PHF24: variants seen among roughly 807,000 people sequenced by gnomAD.
PHF24 encodes PHD finger protein 24.
Under a neutral mutation model 42.6 loss-of-function variants are expected in PHF24, and 25 were observed. That is an observed-to-expected ratio of 0.59 (90% CI 0.43 to 0.82). The LOEUF (loss-of-function observed/expected upper bound fraction) is 0.82. Among genes scored for constraint, PHF24 ranks in the 40% least tolerant of loss-of-function variants. The pLI is 0.00. For missense variants in PHF24, 470 were observed against 538.1 expected, an observed-to-expected ratio of 0.87 and a Z score of 1.25; for synonymous variants, 185 against 204.8, an observed-to-expected ratio of 0.90 and a Z score of 0.83.
chr9:34,668,316 T>C, the PHF24 span, among the ~76,000 whole-genome samples: 1 of 152,134 alleles, frequency 6.6e-6, no homozygotes, highest in Non-Finnish European at 1.5e-5. Flanking sequence ...AGCCAGAGGC[T>C]CCAGGACCCA....
intron 4 of PHF24, 33 bp from the exon 5 acceptor site, chr9:34,976,502 A>C: frequency 6.3e-7 from 1 of 1,591,190 alleles, no homozygotes. Flanking sequence ...CTGAGGAAGG[A>C]TGGGCATGGC....
chr9:34,689,501 T>G, the PHF24 span: 1 of 309,322 alleles, frequency 3.2e-6, no homozygotes, highest in Non-Finnish European at 5.9e-6. This position sits in a 1 kb window ranked among gnomAD's most constrained non-coding sequence, Gnocchi z 4.1. Flanking sequence ...CCTTTTTTTT[T>G]TTTTTTAAGG....
chr9:34,958,222 G>A (rs1236454991), upstream of PHF24: 3 of 146,478 alleles, frequency 2.0e-5, no homozygotes, highest in South Asian at 1.8e-4. This position sits in a 1 kb window ranked among gnomAD's most constrained non-coding sequence, Gnocchi z 4.5. Flanking sequence ...TGCTCCGGCC[G>A]CGCGCGCCGC....
At chr9:34,674,898 G>A in the PHF24 span, among the ~76,000 whole-genome samples, 19 of 152,132 alleles carry the variant, frequency 1.2e-4, no homozygotes, top group East Asian at 3.3e-3. Flanking sequence ...ACAGGGTCTC[G>A]CTCTGTCACT....
the PHF24 span, among the ~76,000 whole-genome samples, chr9:34,846,719 T>G: frequency 6.6e-6 from 1 of 152,252 alleles, no homozygotes; most frequent in East Asian, 1.9e-4. Context: ...CTTCTAGGGT[T>G]TTTATGGTTT....
chr9:34,715,105 C>T, the PHF24 span, among the ~76,000 whole-genome samples: 2 of 151,828 alleles, frequency 1.3e-5, no homozygotes, highest in Admixed American at 6.6e-5. Flanking sequence ...GGTTAGGAGC[C>T]CTAAGGGAAA....
the PHF24 span, chr9:34,723,990 G>T: frequency 6.5e-7 from 1 of 1,549,910 alleles, no homozygotes; most frequent in Admixed American, 2.0e-5. Context: ...ATCCCTGCTG[G>T]CCTCTGGTCT....
the PHF24 span, among the ~76,000 whole-genome samples, chr9:34,904,190 C>G: frequency 1.3e-5 from 2 of 152,312 alleles, no homozygotes; most frequent in African/African-American, 4.8e-5. Context: ...TTGACTTCCT[C>G]TTTACTGATT....
chr9:34,734,690 T>C, the PHF24 span, among the ~76,000 whole-genome samples: 2 of 152,180 alleles, frequency 1.3e-5, no homozygotes, highest in African/African-American at 4.8e-5. Flanking sequence ...CCCCAGACCA[T>C]CAGAAGTATT....
chr9:34,918,562 TTAAGA>T, the PHF24 span, among the ~76,000 whole-genome samples: 3 of 152,196 alleles, frequency 2.0e-5, no homozygotes, highest in Non-Finnish European at 2.9e-5. Flanking sequence ...CCTGTATATC[TTAAGA>T]TATTAGTTAA....
chr9:34,726,122 C>CAGA, the PHF24 span: 7 of 1,455,464 alleles, frequency 4.8e-6, no homozygotes, highest in African/African-American at 1.0e-4. Flanking sequence ...TTCAGAAACC[C>CAGA]AGAAGGTCTG....
At chr9:34,818,422 A>G in the PHF24 span, among the ~76,000 whole-genome samples, 1 of 152,152 alleles carries the variant, frequency 6.6e-6, no homozygotes, top group Admixed American at 6.5e-5. Flanking sequence ...TTCTGCATCT[A>G]TTGAGTTGAT....
chr9:34,689,480 G>T, the PHF24 span: 1 of 294,746 alleles, frequency 3.4e-6, no homozygotes, highest in Non-Finnish European at 6.3e-6. This position sits in a 1 kb window ranked among gnomAD's most constrained non-coding sequence, Gnocchi z 4.1. Context: ...CAGATCTATG[G>T]GTGCCAGGTG....
the PHF24 span, among the ~76,000 whole-genome samples, chr9:34,884,807 A>T: frequency 6.6e-6 from 1 of 152,204 alleles, no homozygotes; most frequent in African/African-American, 2.4e-5. Context: ...AAACAAGGTG[A>T]TGCTTCCACT....
the PHF24 span, among the ~76,000 whole-genome samples, chr9:34,741,337 A>ATTTCT: frequency 6.6e-6 from 1 of 151,718 alleles, no homozygotes; most frequent in Non-Finnish European, 1.5e-5. Flanking sequence ...ACAAGGCAGT[A>ATTTCT]TTTCTTTTCT....
At chr9:34,850,685 G>T in the PHF24 span, among the ~76,000 whole-genome samples, 1 of 152,188 alleles carries the variant, frequency 6.6e-6, no homozygotes, top group Admixed American at 6.5e-5. Flanking sequence ...CTGCTTTTTA[G>T]AGTTTCCAGT....
chr9:34,776,021 T>C, the PHF24 span, among the ~76,000 whole-genome samples: 7 of 152,222 alleles, frequency 4.6e-5, no homozygotes, highest in Admixed American at 2.6e-4. Flanking sequence ...ATTCCACTTA[T>C]ATAAAATGTC....
the PHF24 span, among the ~76,000 whole-genome samples, chr9:34,700,745 A>T: frequency 2.0e-5 from 3 of 152,196 alleles, no homozygotes; most frequent in African/African-American, 7.2e-5. Flanking sequence ...GTGAGTGTAG[A>T]TAGAAGAGGT....
the PHF24 span, among the ~76,000 whole-genome samples, chr9:34,667,319 C>T: frequency 3.3e-5 from 5 of 152,316 alleles, no homozygotes; most frequent in South Asian, 1.0e-3. Flanking sequence ...TCATCCCACC[C>T]TCTTTCTCCC....
Sources: gnomAD v4.1 joint callset for allele counts (sites outside exome capture counted in the v4.1 genomes callset) on GRCh38, gnomAD v4.1.1 for gene constraint, Gnocchi (gnomAD v3.1) non-coding constraint, MANE v1.5 for transcripts, NCBI Gene and HGNC (gene_info 2026-07-23, HGNC 2026-07-21) for gene names.